The following SLC44A5 variants were observed in gnomAD, a reference collection of about 807,000 sequenced individuals.
The protein encoded by SLC44A5 is choline transporter-like protein 5.
SLC44A5 carries 57 observed loss-of-function variants against 101.8 expected under a neutral mutation model. The ratio of observed to expected loss-of-function variants is 0.56; its 90% CI spans 0.45 to 0.70. The LOEUF (loss-of-function observed/expected upper bound fraction) is 0.70, where lower values mean the gene tolerates loss of function less well. Among genes scored for constraint, SLC44A5 ranks in the 30% least tolerant of loss-of-function variants. The probability of loss-of-function intolerance (pLI) is 0.00; values close to 1 mark genes in which losing one functional copy is unlikely to be tolerated. For missense variants in SLC44A5, 737 were observed against 853.1 expected, an observed-to-expected ratio of 0.86 and a Z score of 1.70; for synonymous variants, 281 against 290.9, an observed-to-expected ratio of 0.97 and a Z score of 0.35.
At chr1:75,410,004 C>A (rs952471579) in intron 2 of SLC44A5, among the ~76,000 whole-genome samples, 3 of 152,112 alleles carry the variant, frequency 2.0e-5, no homozygotes, top group African/African-American at 7.2e-5. Flanking sequence ...CTGTTCCTAC[C>A]TCTCAATGCT....
At chr1:75,701,458 A>C in the SLC44A5 span, among the ~76,000 whole-genome samples, 8 of 152,166 alleles carry the variant, frequency 5.3e-5, no homozygotes, top group Non-Finnish European at 1.0e-4. Context: ...ATTCAACAAC[A>C]CTTCATGCTA....
intron 5 of SLC44A5, among the ~76,000 whole-genome samples, chr1:75,289,493 G>A (rs527299060): frequency 2.6e-5 from 4 of 152,282 alleles, no homozygotes; most frequent in African/African-American, 9.6e-5. Flanking sequence ...GTTGTGCCCA[G>A]AAGTACTCCA....
chr1:75,591,143 T>C (rs1388766342), intron 1 of SLC44A5, among the ~76,000 whole-genome samples: 1 of 152,180 alleles, frequency 6.6e-6, no homozygotes, highest in African/African-American at 2.4e-5. Flanking sequence ...ATCCAGAGAA[T>C]TCTCCTGAAT....
chr1:75,427,509 C>T (rs1664381302), intron 2 of SLC44A5, among the ~76,000 whole-genome samples: 1 of 152,112 alleles, frequency 6.6e-6, no homozygotes, highest in Admixed American at 6.5e-5. Flanking sequence ...CTCTGATATG[C>T]CTGTACACTC....
chr1:75,547,941 C>T (rs1671738164), intron 1 of SLC44A5, among the ~76,000 whole-genome samples: 1 of 152,054 alleles, frequency 6.6e-6, no homozygotes, highest in Non-Finnish European at 1.5e-5. Context: ...AATTAAATTC[C>T]CAGAACCCTC....
chr1:75,608,058 A>G (rs899995834), intron 1 of SLC44A5, among the ~76,000 whole-genome samples: 1 of 151,940 alleles, frequency 6.6e-6, no homozygotes, highest in African/African-American at 2.4e-5. Flanking sequence ...CTATGAGTTC[A>G]ATAATTTTGG....
intron 4 of SLC44A5, among the ~76,000 whole-genome samples, chr1:75,316,411 TTAAATGTTACCACCTCTGTGAAG>T (rs1655691336): frequency 2.0e-5 from 3 of 152,010 alleles, no homozygotes; most frequent in Admixed American, 2.0e-4. Context: ...TGAAGCCAGC[TTAAATGTTACCACCTCTGTGAAG>T]CAATCATTTG....
At chr1:75,273,214 A>G (rs1651635377) in intron 6 of SLC44A5, among the ~76,000 whole-genome samples, 1 of 152,042 alleles carries the variant, frequency 6.6e-6, no homozygotes, top group Non-Finnish European at 1.5e-5. Context: ...CAGTGCTACT[A>G]ATTTGTGTAC....
chr1:75,204,802 T>C (rs1030509323), intron 23 of SLC44A5: 3 of 152,188 alleles, frequency 2.0e-5, no homozygotes, highest in Non-Finnish European at 2.9e-5. Flanking sequence ...TTTCAACTTT[T>C]ATGTGTATCA....
At chr1:75,338,128 G>A (rs1051815365) in intron 4 of SLC44A5, among the ~76,000 whole-genome samples, 2 of 152,156 alleles carry the variant, frequency 1.3e-5, no homozygotes, top group Admixed American at 1.3e-4. Flanking sequence ...TTCTTGGATT[G>A]AAGGCAGAGG....
intron 13 of SLC44A5, among the ~76,000 whole-genome samples, chr1:75,223,628 T>A (rs1647134476): frequency 6.6e-6 from 1 of 152,198 alleles, no homozygotes; most frequent in African/African-American, 2.4e-5. Flanking sequence ...GCTAGATGGT[T>A]ATTTAGCTCA....
At chr1:75,213,825 A>T (rs908187274) in intron 21 of SLC44A5, 32 bp from the exon 22 acceptor site, 4 of 1,562,044 alleles carry the variant, frequency 2.6e-6, no homozygotes, top group African/African-American at 1.4e-5. Flanking sequence ...TGTATATTAT[A>T]CTTTTGCAAA....
intron 4 of SLC44A5, among the ~76,000 whole-genome samples, chr1:75,315,496 G>T (rs536739302): frequency 1.3e-5 from 2 of 151,994 alleles, no homozygotes; most frequent in African/African-American, 4.8e-5. Flanking sequence ...TAATCATCCC[G>T]TCTGGTCTTC....
intron 2 of SLC44A5, among the ~76,000 whole-genome samples, chr1:75,483,267 T>C (rs1239951415): frequency 6.6e-6 from 1 of 152,158 alleles, no homozygotes; most frequent in Admixed American, 6.5e-5. Flanking sequence ...GGTAAAGAGG[T>C]GAGCAAAGCT....
At chr1:75,712,436 G>C in the SLC44A5 span, among the ~76,000 whole-genome samples, 1 of 151,998 alleles carries the variant, frequency 6.6e-6, no homozygotes. Context: ...TTAGTTCCTG[G>C]GATCTAAGCC....
At chr1:75,247,089 C>A (rs1649172796) in intron 7 of SLC44A5, among the ~76,000 whole-genome samples, 1 of 151,908 alleles carries the variant, frequency 6.6e-6, no homozygotes, top group Admixed American at 6.6e-5. Flanking sequence ...AAAGAGACTG[C>A]AAAGGATAAG....
intron 4 of SLC44A5, among the ~76,000 whole-genome samples, chr1:75,330,168 C>T (rs1158543301): frequency 8.2e-6 from 1 of 121,990 alleles, no homozygotes. Context: ...CATATATATA[C>T]GTATATATGC....
chr1:75,218,690 A>G lies in SLC44A5; in HGVS notation c.1329T>C (p.Tyr443=). Residue 443 remains tyrosine (Y), a synonymous_variant, in exon 17 of 24, where the codon TAT becomes TAC. Coordinates refer to ENST00000370859, the MANE Select transcript of SLC44A5 (RefSeq NM_001130058.2). The part of the protein sequence containing the change: ...CPGALCNFAF[Y]GGKSLYHQYI... Reference sequence around the variant, plus strand: ...ACTGATGGTACAAGCTCTTTCCACCATAGAAAGCAAAGTTACACAGAGCCC... The same window carrying G: ...ACTGATGGTACAAGCTCTTTCCACCGTAGAAAGCAAAGTTACACAGAGCCC... 1 of 1,613,730 alleles carries G rather than the reference A, an allele frequency of 6.2e-7. No homozygotes were observed. The highest frequency in any genetic ancestry group is 8.5e-7 in the Non-Finnish European group (1 of 1,179,708).
chr1:75,600,627 C>A (rs1461976458), intron 1 of SLC44A5, among the ~76,000 whole-genome samples: 1 of 152,038 alleles, frequency 6.6e-6, no homozygotes, highest in Non-Finnish European at 1.5e-5. Flanking sequence ...TAGTCAATGA[C>A]AGACCACATA....
Sources: gnomAD v4.1 joint callset for allele counts (sites outside exome capture counted in the v4.1 genomes callset) on GRCh38, gnomAD v4.1.1 for gene constraint, MANE v1.5 for transcripts, NCBI Gene and HGNC (gene_info 2026-07-23, HGNC 2026-07-21) for gene names.